ZSCAN25: variants seen among roughly 807,000 people sequenced by gnomAD.
ZSCAN25 encodes the protein zinc finger and SCAN domain-containing protein 25.
A neutral mutation model predicts 38.7 loss-of-function variants in ZSCAN25; 27 were observed. That is an observed-to-expected ratio of 0.70 (90% CI 0.51 to 0.96). The LOEUF (loss-of-function observed/expected upper bound fraction) is 0.96. Ranked by LOEUF, ZSCAN25 falls within the 40% of genes least tolerant of loss-of-function variation. The pLI, the probability that ZSCAN25 is intolerant of heterozygous loss-of-function variation, is 0.00. For synonymous variants in ZSCAN25, 273 were observed against 277.7 expected (o/e 0.98, Z 0.17); for missense variants, 637 against 705.9 (o/e 0.90, Z 1.11).
the ZSCAN25 span, among the ~76,000 whole-genome samples, chr7:99,694,952 C>T: frequency 5.9e-5 from 9 of 151,572 alleles, no homozygotes; most frequent in Admixed American, 5.9e-4. Flanking sequence ...TATCACCTTT[C>T]TAGTGATTTT....
intron 7 of ZSCAN25, among the ~76,000 whole-genome samples, chr7:99,625,076 T>C (rs935217929): frequency 3.3e-5 from 5 of 152,174 alleles, no homozygotes; most frequent in African/African-American, 1.2e-4. Flanking sequence ...ATCCCTGTGC[T>C]TCCTTCAGGA....
the ZSCAN25 span, among the ~76,000 whole-genome samples, chr7:99,691,360 G>T: frequency 6.6e-6 from 1 of 152,128 alleles, no homozygotes; most frequent in African/African-American, 2.4e-5. Flanking sequence ...GAGTTAATGG[G>T]TGTGGCACAC....
chr7:99,685,657 AACAC>A, the ZSCAN25 span, among the ~76,000 whole-genome samples: 1 of 152,184 alleles, frequency 6.6e-6, no homozygotes, highest in Non-Finnish European at 1.5e-5. Context: ...ATGATTTTTA[AACAC>A]ACACACTGAC....
the ZSCAN25 span, among the ~76,000 whole-genome samples, chr7:99,649,166 G>A: frequency 2.0e-5 from 3 of 152,162 alleles, no homozygotes; most frequent in Non-Finnish European, 1.5e-5. Flanking sequence ...TATCTTCCCT[G>A]TCCCAGGTGT....
the ZSCAN25 span, among the ~76,000 whole-genome samples, chr7:99,641,372 A>G: frequency 1.3e-5 from 2 of 151,942 alleles, no homozygotes; most frequent in Non-Finnish European, 2.9e-5. Context: ...GCGGGTAACC[A>G]CCCCCATGAT....
At chr7:99,672,568 A>G in the ZSCAN25 span, 1 of 1,605,270 alleles carries the variant, frequency 6.2e-7, no homozygotes, top group East Asian at 2.2e-5. Flanking sequence ...ATTTCAAAAA[A>G]TGGATGCTTA....
chr7:99,708,877 G>C, the ZSCAN25 span, among the ~76,000 whole-genome samples: 95 of 152,204 alleles, frequency 6.2e-4, no homozygotes, highest in Non-Finnish European at 1.1e-3. Context: ...TCTGTGGTTT[G>C]TAAAGTGTGA....
At chr7:99,687,331 G>C in the ZSCAN25 span, among the ~76,000 whole-genome samples, 2 of 152,230 alleles carry the variant, frequency 1.3e-5, no homozygotes, top group African/African-American at 4.8e-5. Flanking sequence ...CCTTAAAGGA[G>C]CTGATGGAGC....
At chr7:99,666,526 C>T in the ZSCAN25 span, 1,508 of 1,464,946 alleles carry the variant, frequency 1.0e-3, 10 homozygotes, top group African/African-American at 0.016. Flanking sequence ...CCCAACAGTG[C>T]GACTGTCGAC....
At chr7:99,709,366 A>T in the ZSCAN25 span, 2 of 1,493,370 alleles carry the variant, frequency 1.3e-6, no homozygotes, top group Non-Finnish European at 9.1e-7. Flanking sequence ...AGAACAACTC[A>T]TACTGGCAAA....
chr7:99,630,247 A>C lies in ZSCAN25; in HGVS notation c.*227A>C. On this transcript the variant is annotated 3_prime_UTR_variant, in exon 8 of 8. Transcript: ENST00000394152. ...TTTTCTTCCAATGTTTGAGGGAAGC[A>C]GTCTCCTGCGGTTCAGTTCAGGCTG... 1 of 1,342,532 alleles carries C rather than the reference A, an allele frequency of 7.4e-7. No homozygotes were observed. Among genetic ancestry groups the C allele is most frequent in the Non-Finnish European group, 9.5e-7 (1 of 1,051,610 alleles). 83.2% of individuals were successfully genotyped at this position (1,342,532 alleles called of 1,614,324 possible). A position where few individuals can be genotyped will look rare whatever the true frequency, so the allele number is the denominator to read the frequency against.
the ZSCAN25 span, among the ~76,000 whole-genome samples, chr7:99,641,874 T>A: frequency 2.6e-5 from 4 of 152,340 alleles, no homozygotes; most frequent in South Asian, 8.3e-4. Flanking sequence ...CTGCTTCTAC[T>A]CTTTCCTCTG....
chr7:99,665,723 G>A, the ZSCAN25 span, among the ~76,000 whole-genome samples: 2 of 152,220 alleles, frequency 1.3e-5, no homozygotes, highest in Non-Finnish European at 2.9e-5. Flanking sequence ...TCTGACTACA[G>A]ACTCTATGCC....
At chr7:99,678,913 A>G in the ZSCAN25 span, among the ~76,000 whole-genome samples, 1 of 152,160 alleles carries the variant, frequency 6.6e-6, no homozygotes, top group Non-Finnish European at 1.5e-5. Flanking sequence ...TCTTCTCTCC[A>G]CCTGCTCTAG....
chr7:99,698,051 A>T, the ZSCAN25 span, among the ~76,000 whole-genome samples: 2 of 139,660 alleles, frequency 1.4e-5, no homozygotes, highest in African/African-American at 2.5e-5. Context: ...TGTGCTGGGC[A>T]AACTGTTTAG....
At chr7:99,620,015 G>T (rs749197078) in intron 4 of ZSCAN25, 22 bp downstream of exon 4, 11 of 1,595,766 alleles carry the variant, frequency 6.9e-6, no homozygotes, top group Non-Finnish European at 9.4e-6. Context: ...GGGGATCCAG[G>T]TCTGGCGCCC....
chr7:99,663,328 T>G, the ZSCAN25 span: 3 of 995,186 alleles, frequency 3.0e-6, no homozygotes, highest in Non-Finnish European at 3.6e-6. Flanking sequence ...TTTTCAAATA[T>G]TCCAACATTC....
chr7:99,665,280 C>T, the ZSCAN25 span: 1 of 1,614,048 alleles, frequency 6.2e-7, no homozygotes, highest in Non-Finnish European at 8.5e-7. Flanking sequence ...AATGATGTGC[C>T]AGTAATCACA....
At chr7:99,689,059 A>G in the ZSCAN25 span, among the ~76,000 whole-genome samples, 3 of 152,246 alleles carry the variant, frequency 2.0e-5, no homozygotes, top group African/African-American at 4.8e-5. Context: ...CCCACAAGAG[A>G]AAGCAGGAAA....
Sources: allele counts gnomAD v4.1 joint callset (sites outside exome capture counted in the v4.1 genomes callset), GRCh38; gene constraint gnomAD v4.1.1; transcripts MANE v1.5; gene names NCBI Gene and HGNC (gene_info 2026-07-23, HGNC 2026-07-21).